The following RELCH variants were observed in gnomAD, a reference collection of about 807,000 sequenced individuals.
The protein encoded by RELCH is RAB11 binding and LisH domain, coiled-coil and HEAT repeat containing.
In RELCH, 41 loss-of-function variants were observed where a neutral mutation model predicts 150.3. The observed-to-expected ratio is 0.27, with a 90% CI of 0.21 to 0.35. The LOEUF is 0.35. Ranked by LOEUF, RELCH falls within the 10% of genes least tolerant of loss-of-function variation. RELCH has a pLI of 1.00. For synonymous variants in RELCH, 478 were observed against 531.8 expected, an observed-to-expected ratio of 0.90 and a Z score of 1.39; for missense variants, 1,092 against 1,467.8, an observed-to-expected ratio of 0.74 and a Z score of 4.18.
intron 20 of RELCH, among the ~76,000 whole-genome samples, chr18:62,273,228 ACT>A (rs1233863872): frequency 6.6e-6 from 1 of 151,744 alleles, no homozygotes; most frequent in African/African-American, 2.4e-5. Flanking sequence ...TATTTTTTTT[ACT>A]CTCTTAATTT....
At chr18:62,299,346 CGTT>C (rs1362262672) in intron 28 of RELCH, among the ~76,000 whole-genome samples, 1 of 152,078 alleles carries the variant, frequency 6.6e-6, no homozygotes, top group Non-Finnish European at 1.5e-5. Context: ...AGTATTATAA[CGTT>C]GGAGTTTCAG....
chr18:62,198,881 A>G (rs2039230814), intron 1 of RELCH, among the ~76,000 whole-genome samples: 1 of 152,034 alleles, frequency 6.6e-6, no homozygotes, highest in East Asian at 1.9e-4. Context: ...TATTTGTCAA[A>G]GTATAAAAGT....
chr18:62,221,253 C>T lies in RELCH; in HGVS notation c.723C>T (p.Tyr241=), dbSNP rs1212684452. ...TTCCTTTACAGGAACGAAAAAATTA[C>T]AAATCAAGTCCTGAAATTCAGGTGG... ...HEVPLQERKN[Y]KSSPEIQEPI... The change falls in exon 4 of 29, where the codon TAC becomes TAT. Residue 241 remains tyrosine (Y), a synonymous_variant. Transcript: ENST00000644646. The T allele has an allele frequency of 2.5e-6, 4 of 1,610,772 alleles. No individual in the cohort carries two copies. The highest frequency in any genetic ancestry group is 3.4e-6 in the Non-Finnish European group (4 of 1,177,696).
At chr18:62,294,925 G>C (rs2045330234) in intron 27 of RELCH, among the ~76,000 whole-genome samples, 1 of 152,152 alleles carries the variant, frequency 6.6e-6, no homozygotes, top group Admixed American at 6.5e-5. Context: ...TGAAGTTCCA[G>C]TGTATGTACG....
At chr18:62,283,638 A>AT (rs987252998) in intron 25 of RELCH, among the ~76,000 whole-genome samples, 1 of 151,858 alleles carries the variant, frequency 6.6e-6, no homozygotes, top group Admixed American at 6.6e-5. Context: ...CAGTCATGAC[A>AT]TTTTTTTTCA....
At chr18:62,251,430 C>T (rs2042697251) in intron 11 of RELCH, among the ~76,000 whole-genome samples, 1 of 152,208 alleles carries the variant, frequency 6.6e-6, no homozygotes, top group African/African-American at 2.4e-5. Context: ...AATTCCTTCC[C>T]ATGTGGGTCT....
chr18:62,202,116 T>C (rs1016150125), intron 1 of RELCH, among the ~76,000 whole-genome samples: 1 of 152,204 alleles, frequency 6.6e-6, no homozygotes, highest in Admixed American at 6.5e-5. Flanking sequence ...TTCTGAGTTA[T>C]AAAGTGAATT....
chr18:62,263,975 T>G lies in RELCH; in HGVS notation c.2351-14T>G, dbSNP rs758420256. 3.1e-6 allele frequency: 5 copies of G among 1,599,376 alleles called. No homozygotes were observed. Among genetic ancestry groups the G allele is most frequent in the East Asian group, 4.6e-5 (2 of 43,502 alleles). On this transcript the variant is annotated splice_polypyrimidine_tract_variant and intron_variant, in intron 16 of 28. Coordinates refer to ENST00000644646, the MANE Select transcript of RELCH (RefSeq NM_001346231.2). Reference sequence around the variant, plus strand: ...CAATTTCCATATGATTTATTTTGCTTCTTTTATGTGTAGTGACTAGGTTTC... The same window carrying G: ...CAATTTCCATATGATTTATTTTGCTGCTTTTATGTGTAGTGACTAGGTTTC...
chr18:62,261,285 A>C (rs977025964), intron 15 of RELCH, among the ~76,000 whole-genome samples: 2 of 152,040 alleles, frequency 1.3e-5, no homozygotes, highest in Non-Finnish European at 1.5e-5. Context: ...ATGAAAAAGT[A>C]AAATTACAAA....
chr18:62,298,943 C>T lies in RELCH; in HGVS notation c.3530+83C>T, dbSNP rs907174149. The T allele has an allele frequency of 5.4e-6, 4 of 741,408 alleles. No individual in the cohort carries two copies. The African/African-American group carries it at 7.2e-5, about 13-fold the overall frequency. 45.9% of individuals were successfully genotyped at this position (741,408 alleles called of 1,614,324 possible). A position where few individuals can be genotyped will look rare whatever the true frequency, so the allele number is the denominator to read the frequency against. ...TTTGCTGTCAATCAGTGTAATGTGTCATTTTGTGTTACGTTATAGTCCTTT... is the reference window on the plus strand; with the variant it reads ...TTTGCTGTCAATCAGTGTAATGTGTTATTTTGTGTTACGTTATAGTCCTTT... On this transcript the variant is annotated intron_variant, in intron 28 of 28. Transcript: ENST00000644646.
chr18:62,212,832 T>C (rs2148321999), intron 2 of RELCH, among the ~76,000 whole-genome samples: 1 of 152,326 alleles, frequency 6.6e-6, no homozygotes, highest in East Asian at 1.9e-4. Flanking sequence ...TTCCAATAAA[T>C]GATTTTCATT....
chr18:62,219,461 AT>A (rs1467429795), intron 2 of RELCH, among the ~76,000 whole-genome samples: 1 of 148,432 alleles, frequency 6.7e-6, no homozygotes, highest in Admixed American at 6.8e-5. Flanking sequence ...ACAGTTAGAT[AT>A]TTTTAAATCA....
chr18:62,260,193 CA>C (rs377119786), intron 15 of RELCH, among the ~76,000 whole-genome samples: 106 of 95,740 alleles, frequency 1.1e-3, no homozygotes, highest in African/African-American at 2.6e-3. Flanking sequence ...AACTCAACAG[CA>C]AAAAAAAAAA....
At chr18:62,197,454 A>G (rs1274426368) in intron 1 of RELCH, among the ~76,000 whole-genome samples, 4 of 152,150 alleles carry the variant, frequency 2.6e-5, no homozygotes, top group Admixed American at 2.6e-4. Flanking sequence ...GTGCTGTTCC[A>G]CCCTATCCTG....
chr18:62,291,460 C>T, intron 26 of RELCH, 83 bp from the exon 27 acceptor site: 1 of 712,938 alleles, frequency 1.4e-6, no homozygotes, highest in Non-Finnish European at 2.4e-6. Context: ...AAGAAGGCTT[C>T]TCTTTTATAT....
intron 5 of RELCH, among the ~76,000 whole-genome samples, 181 bp from the exon 6 acceptor site, chr18:62,227,108 G>A (rs8087617): frequency 0.98 from 148,973 of 151,492 alleles, 73,301 homozygotes; most frequent in East Asian, 1. Flanking sequence ...TGGGAGGCTC[G>A]CTTCAGCCCA....
intron 25 of RELCH, among the ~76,000 whole-genome samples, chr18:62,286,939 A>G (rs2044833411): frequency 6.6e-6 from 1 of 152,222 alleles, no homozygotes; most frequent in African/African-American, 2.4e-5. Context: ...GTTGAAAAAG[A>G]ATATACTCTT....
intron 23 of RELCH, 119 bp from the exon 24 acceptor site, chr18:62,280,527 A>G: frequency 1.5e-6 from 2 of 1,378,286 alleles, no homozygotes; most frequent in Non-Finnish European, 2.1e-6. Context: ...AATTTATTTA[A>G]TTTGTCATTG....
At chr18:62,211,691 A>C (rs1355814794) in intron 2 of RELCH, among the ~76,000 whole-genome samples, 1 of 152,132 alleles carries the variant, frequency 6.6e-6, no homozygotes, top group Non-Finnish European at 1.5e-5. Flanking sequence ...TGGGAAGCTG[A>C]GGTGGGAGGA....
Sources: gnomAD v4.1 joint callset for allele counts (sites outside exome capture counted in the v4.1 genomes callset) on GRCh38, gnomAD v4.1.1 for gene constraint, MANE v1.5 for transcripts, NCBI Gene and HGNC (gene_info 2026-07-23, HGNC 2026-07-21) for gene names.